JARID2: variants seen among roughly 807,000 people sequenced by gnomAD.
JARID2 encodes protein Jumonji.
A neutral mutation model predicts 125.6 loss-of-function variants in JARID2; 21 were observed. The observed-to-expected ratio is 0.17, with a 90% CI of 0.12 to 0.24. The LOEUF is 0.24. Ranked by LOEUF, JARID2 falls within the 10% of genes least tolerant of loss-of-function variation. JARID2 has a pLI of 1.00. For missense variants in JARID2, 1,303 were observed against 1,639.6 expected (o/e 0.79, Z 3.55); for synonymous variants, 736 against 661.6 (o/e 1.11, Z -1.73).
At chr6:15,509,071 T>G in intron 12 of JARID2, 5 of 1,289,358 alleles carry the variant, frequency 3.9e-6, no homozygotes, top group Non-Finnish European at 5.1e-6. Flanking sequence ...ATGTACCCTG[T>G]GGAGTCTGTT....
rs1189744268 is a variant in JARID2 at position 15,470,376 on chromosome 6, A to G, written c.670+1658A>G. Among the ~76,000 whole-genome samples, 20 of 152,158 alleles carry G rather than the reference A, an allele frequency of 1.3e-4. 1 individual carries two copies. Among genetic ancestry groups the G allele is most frequent in the Admixed American group, 1.3e-3 (20 of 15,284 alleles). On this transcript the variant is annotated intron_variant, in intron 5 of 17. Transcript: ENST00000341776. ...GTGCTGTCTGTAAGTGATTGAGGCA[A>G]AGGAGAGCTGCTCATTTTTCTCCTT...
intron 1 of JARID2, among the ~76,000 whole-genome samples, chr6:15,309,512 C>T (rs1313257492): frequency 1.3e-5 from 2 of 151,734 alleles, no homozygotes; most frequent in East Asian, 3.9e-4. Context: ...TCCGTGCAGT[C>T]ATTAAAATGA....
At position 15,418,871 on chromosome 6, in the gene JARID2, T is replaced by C. The variant is rs555975137; in HGVS notation, c.323+8506T>C. Among the ~76,000 whole-genome samples the C allele has an allele frequency of 2.2e-3, 333 of 152,300 alleles. 3 individuals carry two copies. Among genetic ancestry groups the C allele is most frequent in the African/African-American group, 7.6e-3 (317 of 41,554 alleles). On this transcript the variant is annotated intron_variant, in intron 3 of 17. Transcript: ENST00000341776. ...AACAGGTATGATATTCACAGCTACA[T>C]TGTCTGCACGACTGTGTTCCTTATT... is the stretch of plus-strand genomic sequence containing the variant.
At chr6:15,304,871 T>G (rs1214819641) in intron 1 of JARID2, among the ~76,000 whole-genome samples, 4 of 152,184 alleles carry the variant, frequency 2.6e-5, no homozygotes, top group Non-Finnish European at 4.4e-5. Flanking sequence ...GTGCATCTTA[T>G]CTGCTTGGTG....
intron 4 of JARID2, among the ~76,000 whole-genome samples, chr6:15,456,076 GAGA>G (rs1291044327): frequency 2.0e-5 from 3 of 152,252 alleles, no homozygotes; most frequent in South Asian, 2.1e-4. Context: ...CTCAAAGGTA[GAGA>G]AGGAGAGAAA....
At position 15,520,502 on chromosome 6, in the gene JARID2, G is replaced by T. The variant is rs1478567331; in HGVS notation, c.*251G>T. On this transcript the variant is annotated 3_prime_UTR_variant, in exon 18 of 18. Coordinates refer to ENST00000341776, the MANE Select transcript of JARID2 (RefSeq NM_004973.4). ...CTGTTTTAAAAACCCCGGAGGGGCT[G>T]TATTAATTTGTATTGCCCCATGGCT... is the stretch of plus-strand genomic sequence containing the variant. 1.0e-5 allele frequency: 4 copies of T among 383,708 alleles called. No homozygotes were observed. The highest frequency in any genetic ancestry group is 1.9e-5 in the Non-Finnish European group (4 of 212,322). 23.8% of individuals were successfully genotyped at this position (383,708 alleles called of 1,614,324 possible). A position where few individuals can be genotyped will look rare whatever the true frequency, so the allele number is the denominator to read the frequency against.
At chr6:15,253,780 T>C (rs1430489797) in intron 1 of JARID2, among the ~76,000 whole-genome samples, 2 of 152,184 alleles carry the variant, frequency 1.3e-5, no homozygotes, top group Non-Finnish European at 2.9e-5. Context: ...CACCCACTTC[T>C]CTTAACGGGA....
At chr6:15,510,687 A>G (rs1313061903) in intron 12 of JARID2, among the ~76,000 whole-genome samples, 3 of 152,210 alleles carry the variant, frequency 2.0e-5, no homozygotes, top group African/African-American at 7.2e-5. Flanking sequence ...AGTGGGGAGC[A>G]GAGCTGGGGG....
At chr6:15,407,790 G>A (rs549457470) in intron 2 of JARID2, among the ~76,000 whole-genome samples, 1 of 152,150 alleles carries the variant, frequency 6.6e-6, no homozygotes, top group Non-Finnish European at 1.5e-5. Flanking sequence ...ACTACTGAGT[G>A]ATGCATATGT....
rs984046815 is a variant in JARID2 at position 15,283,135 on chromosome 6, C to A, written c.45+36551C>A. ...CTGGGACTACAGGCGCCCGCCACCA[C>A]GCCCGGCTAATTTTTTGTATTTTTA... On this transcript the variant is annotated intron_variant, in intron 1 of 17. Transcript: ENST00000341776. Among the ~76,000 whole-genome samples the A allele has an allele frequency of 7.5e-4, 108 of 144,430 alleles. 1 individual carries two copies. The highest frequency in any genetic ancestry group is 4.6e-4 in the African/African-American group (18 of 38,750). 94.8% of individuals were successfully genotyped at this position (144,430 alleles called of 152,430 possible). A position where few individuals can be genotyped will look rare whatever the true frequency, so the allele number is the denominator to read the frequency against.
At chr6:15,424,982 C>A (rs1398705792) in intron 3 of JARID2, among the ~76,000 whole-genome samples, 4 of 152,174 alleles carry the variant, frequency 2.6e-5, no homozygotes, top group African/African-American at 9.7e-5. Flanking sequence ...ATTCTCATAG[C>A]AAAATCATTA....
Position 15,486,806 on chromosome 6 carries a change from C to CTTTTTTTTTTTTTTTTTTTTTTTT in JARID2, c.671-483_671-482insTTTTTTTTTTTTTTTTTTTTTTTT, listed in dbSNP as rs56268949. On this transcript the variant is annotated intron_variant, in intron 5 of 17. Coordinates refer to ENST00000341776, the MANE Select transcript of JARID2 (RefSeq NM_004973.4). Reference sequence around the variant, plus strand: ...CATCTCTTTTAAATCTGAGAATAGACTTTTTTTTTTTTTTTTTTGAGACAG... The same window carrying CTTTTTTTTTTTTTTTTTTTTTTTT: ...CATCTCTTTTAAATCTGAGAATAGACTTTTTTTTTTTTTTTTTTTTTTTTTTTTTTTTTTTTTTTTTTGAGACAG... Among the ~76,000 whole-genome samples the CTTTTTTTTTTTTTTTTTTTTTTTT allele has an allele frequency of 4.2e-4, 42 of 100,520 alleles. 2 individuals carry two copies. Among genetic ancestry groups the CTTTTTTTTTTTTTTTTTTTTTTTT allele is most frequent in the Non-Finnish European group, 6.4e-4 (35 of 54,650 alleles). 65.9% of individuals were successfully genotyped at this position (100,520 alleles called of 152,430 possible). A position where few individuals can be genotyped will look rare whatever the true frequency, so the allele number is the denominator to read the frequency against.
intron 1 of JARID2, among the ~76,000 whole-genome samples, chr6:15,311,556 CAACAAGAGCGA>C (rs1762012537): frequency 6.6e-6 from 1 of 152,032 alleles, no homozygotes; most frequent in African/African-American, 2.4e-5. Flanking sequence ...CCAGCCTGGG[CAACAAGAGCGA>C]AACTCCGTCT....
At chr6:15,293,432 CCTGCTAGCT>C (rs1363066278) in intron 1 of JARID2, among the ~76,000 whole-genome samples, 14 of 152,288 alleles carry the variant, frequency 9.2e-5, no homozygotes, top group African/African-American at 3.4e-4. Context: ...ACCCAAAAAA[CCTGCTAGCT>C]CTTTGAAGGG....
intron 1 of JARID2, among the ~76,000 whole-genome samples, chr6:15,332,912 T>C (rs955512622): frequency 6.7e-5 from 10 of 148,482 alleles, no homozygotes; most frequent in Non-Finnish European, 5.9e-5. Context: ...CCATAAAATT[T>C]ACCCTTTCTT....
At chr6:15,492,358 T>C (rs1770192781) in intron 6 of JARID2, among the ~76,000 whole-genome samples, 1 of 152,238 alleles carries the variant, frequency 6.6e-6, no homozygotes, top group South Asian at 2.1e-4. Context: ...TGTGCTCTTC[T>C]GTGGAATCCC....
chr6:15,414,318 C>G (rs563021983), intron 3 of JARID2, among the ~76,000 whole-genome samples: 2 of 152,250 alleles, frequency 1.3e-5, no homozygotes, highest in Admixed American at 1.3e-4. Context: ...GTTAAAACAT[C>G]CATGTGTTTA....
intron 1 of JARID2, among the ~76,000 whole-genome samples, chr6:15,257,451 G>A (rs754780416): frequency 6.6e-6 from 1 of 152,128 alleles, no homozygotes; most frequent in Admixed American, 6.5e-5. Context: ...AACTTGTCAT[G>A]GTAATCAAAG....
intron 2 of JARID2, among the ~76,000 whole-genome samples, chr6:15,398,593 G>C (rs1765302678): frequency 6.6e-6 from 1 of 152,150 alleles, no homozygotes; most frequent in Non-Finnish European, 1.5e-5. Flanking sequence ...CTCCTTCCTG[G>C]CCTGACAGAC....
Sources: allele counts gnomAD v4.1 joint callset (sites outside exome capture counted in the v4.1 genomes callset), GRCh38; gene constraint gnomAD v4.1.1; transcripts MANE v1.5; gene names NCBI Gene and HGNC (gene_info 2026-07-23, HGNC 2026-07-21).